MMRN1: variants seen among roughly 807,000 people sequenced by gnomAD.
The protein encoded by MMRN1 is multimerin-1.
In MMRN1, 94 loss-of-function variants were observed where a neutral mutation model predicts 100.7. That is an observed-to-expected ratio of 0.93 (90% CI 0.79 to 1.11). MMRN1 has a LOEUF of 1.11. MMRN1 is among the 50% of genes least tolerant of loss of function. The pLI, the probability that MMRN1 is intolerant of heterozygous loss-of-function variation, is 0.00. For missense variants in MMRN1, 1,606 were observed against 1,439.1 expected (o/e 1.12, Z -1.88); for synonymous variants, 575 against 505.0 (o/e 1.14, Z -1.86).
At chr4:89,890,218 T>C (rs1334015447), upstream of MMRN1, among the ~76,000 whole-genome samples, 1 of 150,790 alleles carries the variant, frequency 6.6e-6, no homozygotes, top group African/African-American at 2.4e-5. Context: ...GTGGGTTCTT[T>C]TGTCTTTTAT....
intron 3 of MMRN1, among the ~76,000 whole-genome samples, chr4:89,917,462 A>G (rs1455050030): frequency 1.3e-5 from 2 of 151,890 alleles, no homozygotes; most frequent in Non-Finnish European, 2.9e-5. Flanking sequence ...GCCACAGTCA[A>G]TATTGTATAT....
Position 89,923,239 on chromosome 4 carries a change from G to GAGC in MMRN1, c.936_938dup (p.Gln313dup), listed in dbSNP as rs770969212. 168 of 1,613,924 alleles carry GAGC rather than the reference G, an allele frequency of 1.0e-4. No homozygotes were observed. In the Middle Eastern group the frequency reaches 1.8e-3, roughly 17 times the overall value. ...TACAGCTGTTGGCAGAGGAGTAGCTGAGCAGCAGCAGCAGCAAGGCTGTGG... is the reference window on the plus strand; with the variant it reads ...TACAGCTGTTGGCAGAGGAGTAGCTGAGCAGCAGCAGCAGCAGCAAGGCTGTGG... On this transcript the variant is annotated inframe_insertion, in exon 4 of 8. Transcript: ENST00000264790.
chr4:89,880,390 C>A (rs1477849871), intron 1 of MMRN1, among the ~76,000 whole-genome samples: 3 of 152,004 alleles, frequency 2.0e-5, no homozygotes, highest in Non-Finnish European at 4.4e-5. Context: ...GTGCTTAGCA[C>A]AAAATCAGTG....
intron 3 of MMRN1, among the ~76,000 whole-genome samples, chr4:89,916,230 A>G (rs1331118735): frequency 2.0e-5 from 3 of 151,704 alleles, no homozygotes; most frequent in African/African-American, 7.3e-5. Flanking sequence ...AGTTTTCAAC[A>G]GCCTTGGCAG....
chr4:89,930,405 G>C (rs1722399029), intron 5 of MMRN1, among the ~76,000 whole-genome samples: 1 of 152,008 alleles, frequency 6.6e-6, no homozygotes, highest in South Asian at 2.1e-4. Context: ...TGTTGATCAA[G>C]ATTTTGTGCT....
chr4:89,934,256 G>A (rs917379355), intron 5 of MMRN1, among the ~76,000 whole-genome samples: 10 of 151,898 alleles, frequency 6.6e-5, no homozygotes, highest in African/African-American at 2.4e-4. Flanking sequence ...TTATTTTATT[G>A]TTATTATAAA....
At chr4:89,897,388 T>C (rs1450106106) in intron 1 of MMRN1, among the ~76,000 whole-genome samples, 1 of 152,048 alleles carries the variant, frequency 6.6e-6, no homozygotes, top group Non-Finnish European at 1.5e-5. Flanking sequence ...TTTTGTATTT[T>C]TAGTAGAGAT....
chr4:89,936,766 C>T lies in MMRN1; in HGVS notation c.3086C>T (p.Thr1029Ile). 6.2e-7 allele frequency: 1 copy of T among 1,603,024 alleles called. No individual in the cohort carries two copies. The highest frequency in any genetic ancestry group is 1.7e-4 in the Middle Eastern group (1 of 5,996). Residue 1029 changes from threonine (T) to isoleucine (I), a missense_variant, in exon 6 of 8, where the codon ACT becomes ATT. Transcript: ENST00000264790. ...CTTACCACAGTCCTGATAGGCCGGA[C>T]TCAAAGAAACACGGACAACATAATA... ...VNLTTVLIGRTQRNTDNIIYP... is the reference protein window; with the variant it reads ...VNLTTVLIGRIQRNTDNIIYP...
In MMRN1 at chr4:89,895,554, A is replaced by G; in HGVS notation, c.583A>G (p.Thr195Ala). Residue 195 changes from threonine to alanine, a missense_variant, in exon 1 of 8, where the codon ACT becomes GCT. Physicochemically the swap from Thr to Ala is moderately conservative, Grantham distance 58 (BLOSUM62 0). Transcript: ENST00000264790. Reference protein sequence around the residue: ...SRGDSSSSQRTDYQKSNFETT... With the variant: ...SRGDSSSSQRADYQKSNFETT... ...GGGTGACAGCAGTTCCAGCCAAAGAACTGACTACCAAAAATCAAATTTCGA... is the reference window on the plus strand; with the variant it reads ...GGGTGACAGCAGTTCCAGCCAAAGAGCTGACTACCAAAAATCAAATTTCGA... The G allele has an allele frequency of 6.2e-7, 1 of 1,613,694 alleles. No homozygotes were observed. Among genetic ancestry groups the G allele is most frequent in the South Asian group, 1.1e-5 (1 of 91,056 alleles).
At chr4:89,894,679 G>A, upstream of MMRN1, 1 of 254,836 alleles carries the variant, frequency 3.9e-6, no homozygotes, top group African/African-American at 2.2e-5. Flanking sequence ...TTTTTTCATG[G>A]GTTTTCCTGA....
chr4:89,945,064 A>G (rs1465213108), intron 6 of MMRN1, among the ~76,000 whole-genome samples: 1 of 152,130 alleles, frequency 6.6e-6, no homozygotes, highest in Non-Finnish European at 1.5e-5. Context: ...TTCTTCCCAG[A>G]CAATTCTATT....
At chr4:89,914,534 TG>T (rs1385756835) in intron 3 of MMRN1, among the ~76,000 whole-genome samples, 1 of 151,386 alleles carries the variant, frequency 6.6e-6, no homozygotes, top group Non-Finnish European at 1.5e-5. Flanking sequence ...AGAACTTTAT[TG>T]GGGGAAAAAA....
In MMRN1 at chr4:89,935,103, G is replaced by A. The variant is rs1216351045; in HGVS notation, c.1423G>A (p.Glu475Lys). The change falls in exon 6 of 8, where the codon GAG becomes AAG. Residue 475 changes from glutamate (E) to lysine (K), a missense_variant. By Grantham distance (56) the Glu-to-Lys change is moderately conservative (BLOSUM62 1). Transcript: ENST00000264790. ...NVRQEMTLTCEKPIKELEVKQ... is the reference protein window; with the variant it reads ...NVRQEMTLTCKKPIKELEVKQ... The stretch of plus-strand genomic sequence containing the variant: ...AAGGCAAGAAATGACTCTTACATGT[G>A]AGAAGCCTATTAAAGAACTAGAAGT... 7 of 1,613,680 alleles carry A rather than the reference G, an allele frequency of 4.3e-6. No individual in the cohort carries two copies. Among genetic ancestry groups the A allele is most frequent in the Non-Finnish European group, 5.9e-6 (7 of 1,179,760 alleles).
chr4:89,950,451 A>G (rs569365565), intron 6 of MMRN1, among the ~76,000 whole-genome samples: 2 of 152,316 alleles, frequency 1.3e-5, no homozygotes, highest in South Asian at 4.1e-4. Context: ...TTTACACTCC[A>G]GCCAGCATTG....
At chr4:89,882,848 A>G (rs993770163) in intron 1 of MMRN1, among the ~76,000 whole-genome samples, 1 of 151,954 alleles carries the variant, frequency 6.6e-6, no homozygotes, top group African/African-American at 2.4e-5. Context: ...AGAATCTACA[A>G]CCGAAAGCAA....
intron 3 of MMRN1, among the ~76,000 whole-genome samples, chr4:89,922,465 A>C (rs1246502570): frequency 6.6e-6 from 1 of 152,152 alleles, no homozygotes; most frequent in African/African-American, 2.4e-5. Context: ...GAAAAACTAT[A>C]TTGCCATTTA....
intron 3 of MMRN1, among the ~76,000 whole-genome samples, chr4:89,915,372 C>G (rs1721879283): frequency 2.0e-5 from 3 of 151,506 alleles, no homozygotes; most frequent in Non-Finnish European, 4.4e-5. Flanking sequence ...CCTAGTAAAT[C>G]TCAGTAAAGC....
At chr4:89,905,334 T>A (rs2110590666) in intron 1 of MMRN1, among the ~76,000 whole-genome samples, 1 of 151,638 alleles carries the variant, frequency 6.6e-6, no homozygotes, top group Non-Finnish European at 1.5e-5. Context: ...ATGAGGTAAA[T>A]TAGGAATAAT....
At chr4:89,931,939 G>C (rs1251638021) in intron 5 of MMRN1, among the ~76,000 whole-genome samples, 2 of 152,072 alleles carry the variant, frequency 1.3e-5, no homozygotes, top group Admixed American at 6.6e-5. Context: ...AACCAATCAT[G>C]CCTTCCCAAC....
Sources: gnomAD v4.1 joint callset for allele counts (sites outside exome capture counted in the v4.1 genomes callset) on GRCh38, gnomAD v4.1.1 for gene constraint, MANE v1.5 for transcripts, NCBI Gene and HGNC (gene_info 2026-07-23, HGNC 2026-07-21) for gene names.